Variants in STAG1 observed in about 807,000 individuals in gnomAD.
STAG1 encodes STAG1 cohesin complex component.
In STAG1, 26 loss-of-function variants were observed where a neutral mutation model predicts 170.9. The ratio of observed to expected loss-of-function variants is 0.15; its 90% CI spans 0.11 to 0.21. The LOEUF is 0.21. Among genes scored for constraint, STAG1 ranks in the 10% least tolerant of loss-of-function variants. STAG1 has a pLI of 1.00. For missense variants in STAG1, 964 were observed against 1,509.5 expected, an observed-to-expected ratio of 0.64 and a Z score of 5.99; for synonymous variants, 514 against 497.7, an observed-to-expected ratio of 1.03 and a Z score of -0.44.
intron 28 of STAG1, among the ~76,000 whole-genome samples, chr3:136,352,023 T>C (rs1361351243): frequency 6.6e-6 from 1 of 152,144 alleles, no homozygotes; most frequent in African/African-American, 2.4e-5. Context: ...AAAACAGATT[T>C]TGGAGTTTGT....
At chr3:136,549,893 T>C (rs1385312287) in intron 5 of STAG1, among the ~76,000 whole-genome samples, 4 of 152,204 alleles carry the variant, frequency 2.6e-5, no homozygotes, top group Non-Finnish European at 4.4e-5. Flanking sequence ...GGGTGCTGGA[T>C]TTTATAAAAC....
At chr3:136,493,652 C>T (rs1295282298) in intron 9 of STAG1, among the ~76,000 whole-genome samples, 1 of 131,016 alleles carries the variant, frequency 7.6e-6, no homozygotes, top group East Asian at 2.3e-4. Flanking sequence ...GAGATCCTGT[C>T]TCCGAAAAAA....
chr3:136,611,518 C>G (rs1212643129), intron 3 of STAG1, among the ~76,000 whole-genome samples: 1 of 151,322 alleles, frequency 6.6e-6, no homozygotes, highest in Admixed American at 6.6e-5. Flanking sequence ...TTTTTTGAGA[C>G]ACAGTCTTAC....
chr3:136,368,655 G>T (rs769817775), intron 24 of STAG1, among the ~76,000 whole-genome samples: 7 of 152,114 alleles, frequency 4.6e-5, no homozygotes, highest in South Asian at 2.1e-4. Flanking sequence ...GTCAATCTGT[G>T]TGAGATGGAT....
chr3:136,357,108 C>T (rs1461977222), intron 28 of STAG1, among the ~76,000 whole-genome samples: 4 of 151,912 alleles, frequency 2.6e-5, no homozygotes, highest in Admixed American at 6.6e-5. Flanking sequence ...CCACCACGCC[C>T]GGCTAATTTT....
intron 9 of STAG1, among the ~76,000 whole-genome samples, chr3:136,479,060 C>CTTTTTTTTTTTTTTTTTATTTTT (rs66966875): frequency 8.0e-6 from 1 of 125,174 alleles, no homozygotes; most frequent in African/African-American, 3.7e-5. Flanking sequence ...TATAATCTTT[C>CTTTTTTTTTTTTTTTTTATTTTT]TTTTTTTTTT....
intron 6 of STAG1, 109 bp downstream of exon 6, chr3:136,542,010 G>C (rs1935928878): frequency 5.1e-6 from 4 of 782,800 alleles, no homozygotes; most frequent in South Asian, 1.6e-5. Context: ...TTAAAAAATA[G>C]ATTTTCAGTT....
In STAG1 at chr3:136,477,416, G is replaced by C. The variant is rs1408182681; in HGVS notation, c.903-4C>G. ...TCTAATCTCAGCAATAGCATCACTA[G>C]AGAGAGAAAAAAAAGACAATCTCAA... On this transcript the variant is annotated splice_region_variant and splice_polypyrimidine_tract_variant and intron_variant, in intron 9 of 33. Coordinates refer to ENST00000383202, the MANE Select transcript of STAG1 (RefSeq NM_005862.3). 13 of 1,592,522 alleles carry C rather than the reference G, an allele frequency of 8.2e-6. No individual in the cohort carries two copies. Among genetic ancestry groups the C allele is most frequent in the South Asian group, 2.3e-5 (2 of 86,896 alleles).
rs368864246 is a variant in STAG1, at chr3:136,592,765, A to G, written c.297+11544T>C. Among the ~76,000 whole-genome samples, 9 of 152,200 alleles carry G rather than the reference A, an allele frequency of 5.9e-5. No homozygotes were observed. The East Asian group carries it at 7.7e-4, about 13-fold the overall frequency. ...GAGATTACCAGCAGAAGGACTCTTT[A>G]CACAACTGCATTCTGGGGCTGCCAC... On this transcript the variant is annotated intron_variant, in intron 4 of 33. Transcript: ENST00000383202.
intron 4 of STAG1, among the ~76,000 whole-genome samples, chr3:136,593,139 G>A (rs1427906403): frequency 6.6e-6 from 1 of 152,118 alleles, no homozygotes; most frequent in Non-Finnish European, 1.5e-5. Context: ...AAAAAGGTAT[G>A]CTCACTAAAG....
intron 3 of STAG1, among the ~76,000 whole-genome samples, chr3:136,612,088 C>T (rs771793250): frequency 1.3e-5 from 2 of 151,996 alleles, no homozygotes; most frequent in African/African-American, 2.4e-5. Context: ...ACCTTGTGAT[C>T]TGCCCGCCTC....
chr3:136,428,480 C>T (rs1029270383), intron 16 of STAG1, among the ~76,000 whole-genome samples: 1 of 152,162 alleles, frequency 6.6e-6, no homozygotes, highest in Non-Finnish European at 1.5e-5. Context: ...TCAAAATGGT[C>T]TACTTGCTCC....
intron 22 of STAG1, among the ~76,000 whole-genome samples, chr3:136,396,521 T>G (rs906806207): frequency 7.9e-5 from 1 of 12,688 alleles, no homozygotes. Flanking sequence ...GCGCCTGGCC[T>G]TTTTTTTTTT....
intron 5 of STAG1, among the ~76,000 whole-genome samples, chr3:136,543,775 A>C (rs1936020335): frequency 6.6e-6 from 1 of 152,356 alleles, no homozygotes; most frequent in African/African-American, 2.4e-5. Context: ...AGCACATGGG[A>C]AACATTCAAA....
intron 1 of STAG1, among the ~76,000 whole-genome samples, chr3:136,723,651 G>C (rs1933455288): frequency 6.9e-6 from 1 of 144,504 alleles, no homozygotes; most frequent in African/African-American, 2.6e-5. Context: ...GTCCGGGAGG[G>C]AGGTGGGGGG....
chr3:136,534,646 G>C lies in STAG1; in HGVS notation c.471+7473C>G, dbSNP rs563832263. ...AAATGGCCAACAGGTATATGAAAAA[G>C]TGCTCAACATCCATAATCATCCAGA... On this transcript the variant is annotated intron_variant, in intron 6 of 33. Coordinates refer to ENST00000383202, the MANE Select transcript of STAG1 (RefSeq NM_005862.3). Among the ~76,000 whole-genome samples the C allele has an allele frequency of 3.3e-5, 5 of 152,174 alleles. No individual in the cohort carries two copies. In the South Asian group the frequency reaches 1.0e-3, roughly 32 times the overall value.
At chr3:136,528,505 C>A (rs1267338353) in intron 6 of STAG1, among the ~76,000 whole-genome samples, 5 of 146,622 alleles carry the variant, frequency 3.4e-5, no homozygotes, top group Admixed American at 1.4e-4. Context: ...CCCCCCCCCC[C>A]AAAAAATCAC....
At chr3:136,657,863 C>A (rs886576158) in intron 1 of STAG1, among the ~76,000 whole-genome samples, 3 of 152,154 alleles carry the variant, frequency 2.0e-5, no homozygotes, top group African/African-American at 7.2e-5. Flanking sequence ...GAATGAAATG[C>A]ACTAGAATGC....
intron 1 of STAG1, among the ~76,000 whole-genome samples, chr3:136,713,517 A>C (rs1400021260): frequency 1.3e-5 from 2 of 151,622 alleles, no homozygotes; most frequent in African/African-American, 4.9e-5. Flanking sequence ...CGGGAGGTGG[A>C]AGTTGCACTG....
Sources: gnomAD v4.1 joint callset for allele counts (sites outside exome capture counted in the v4.1 genomes callset) on GRCh38, gnomAD v4.1.1 for gene constraint, MANE v1.5 for transcripts, NCBI Gene and HGNC (gene_info 2026-07-23, HGNC 2026-07-21) for gene names.